Variants in PRKCQ observed in about 807,000 individuals in gnomAD.
The protein encoded by PRKCQ is protein kinase C theta type.
Under a neutral mutation model 91.2 loss-of-function variants are expected in PRKCQ, and 41 were observed. The ratio of observed to expected loss-of-function variants is 0.45; its 90% CI spans 0.35 to 0.58. The LOEUF is 0.58. PRKCQ is among the 20% of genes least tolerant of loss of function. The pLI, the probability that PRKCQ is intolerant of heterozygous loss-of-function variation, is 0.00. For synonymous variants in PRKCQ, 307 were observed against 316.9 expected, an observed-to-expected ratio of 0.97 and a Z score of 0.33; for missense variants, 673 against 896.5, an observed-to-expected ratio of 0.75 and a Z score of 3.18.
chr10:6,531,476 C>T (rs1839392501), intron 1 of PRKCQ, among the ~76,000 whole-genome samples: 1 of 151,018 alleles, frequency 6.6e-6, no homozygotes, highest in African/African-American at 2.4e-5. Flanking sequence ...AGGCTAGTCC[C>T]CCAAGCACCC....
chr10:6,464,476 G>A, intron 12 of PRKCQ, 72 bp from the exon 13 acceptor site: 2 of 1,277,648 alleles, frequency 1.6e-6, no homozygotes, highest in Non-Finnish European at 2.2e-6. Flanking sequence ...CCAAGACAGG[G>A]TCTCACTCTG....
chr10:6,417,703 G>A, the PRKCQ span, among the ~76,000 whole-genome samples: 2 of 152,164 alleles, frequency 1.3e-5, no homozygotes, highest in Non-Finnish European at 2.9e-5. Flanking sequence ...GAGAATCCAG[G>A]TGCACAGCCA....
At chr10:6,418,589 T>C in the PRKCQ span, among the ~76,000 whole-genome samples, 2 of 152,148 alleles carry the variant, frequency 1.3e-5, no homozygotes, top group African/African-American at 2.4e-5. Flanking sequence ...CCCTCAGTGC[T>C]CCTTTCCACC....
chr10:6,453,967 T>C (rs1179400543), intron 15 of PRKCQ, among the ~76,000 whole-genome samples: 1 of 152,028 alleles, frequency 6.6e-6, no homozygotes, highest in African/African-American at 2.4e-5. Context: ...ATATACCTAA[T>C]GCTAAATGAC....
chr10:6,435,386 T>C (rs1444976070), intron 16 of PRKCQ, among the ~76,000 whole-genome samples: 1 of 152,196 alleles, frequency 6.6e-6, no homozygotes, highest in Non-Finnish European at 1.5e-5. Flanking sequence ...TTACCTTTTA[T>C]TTTTGCAACA....
chr10:6,511,197 AG>A lies in PRKCQ; in HGVS notation c.119-4del. The A allele has an allele frequency of 6.2e-7, 1 of 1,613,718 alleles. No homozygotes were observed. The highest frequency in any genetic ancestry group is 8.5e-7 in the Non-Finnish European group (1 of 1,179,740). The stretch of plus-strand genomic sequence containing the variant: ...CTGGATATACATCTGCCCGTTCTCT[AG>A]GAACAGAAACGTAAGGTCTCATTAT... On this transcript the variant is annotated splice_region_variant and splice_polypyrimidine_tract_variant and intron_variant, in intron 2 of 17. Coordinates refer to ENST00000263125, the MANE Select transcript of PRKCQ (RefSeq NM_006257.5).
chr10:6,447,321 T>C (rs1291592258), intron 15 of PRKCQ, among the ~76,000 whole-genome samples: 1 of 150,494 alleles, frequency 6.6e-6, no homozygotes, highest in Non-Finnish European at 1.5e-5. Flanking sequence ...GCAGGAGAAT[T>C]GCCTGAACCT....
At chr10:6,416,728 C>T in the PRKCQ span, among the ~76,000 whole-genome samples, 3 of 152,086 alleles carry the variant, frequency 2.0e-5, no homozygotes, top group Admixed American at 1.3e-4. Context: ...GGGTACACAC[C>T]CAGTAGTGGG....
Position 6,515,073 on chromosome 10 carries a change from C to T in PRKCQ, c.63G>A (p.Gln21=). The T allele has an allele frequency of 6.2e-7, 1 of 1,613,980 alleles. No individual in the cohort carries two copies. Residue 21 remains glutamine (Q), a synonymous_variant, in exon 2 of 18, where the codon CAG becomes CAA. Transcript: ENST00000263125. ...CACAGTAAGGGTTAACAGCCTCGCC[C>T]TGACAAGACTGGCAGGACCCGCAGT... ...NFDCGSCQSC[Q]GEAVNPYCAV... is the part of the protein sequence containing the mutation.
chr10:6,441,632 C>T (rs1040046863), intron 16 of PRKCQ, among the ~76,000 whole-genome samples: 1 of 152,086 alleles, frequency 6.6e-6, no homozygotes, highest in East Asian at 1.9e-4. Flanking sequence ...TCCAGGTGAG[C>T]GTATTCAAGG....
At chr10:6,571,069 A>C (rs1841026601) in intron 1 of PRKCQ, among the ~76,000 whole-genome samples, 1 of 152,038 alleles carries the variant, frequency 6.6e-6, no homozygotes, top group African/African-American at 2.4e-5. Flanking sequence ...GGGAAGGAAG[A>C]TCATTGGCCA....
At chr10:6,431,748 C>A (rs1833439966) in intron 16 of PRKCQ, among the ~76,000 whole-genome samples, 1 of 152,192 alleles carries the variant, frequency 6.6e-6, no homozygotes, top group African/African-American at 2.4e-5. Flanking sequence ...AGACAGTCAG[C>A]TTTGGACTCT....
intron 1 of PRKCQ, among the ~76,000 whole-genome samples, chr10:6,534,774 CTATATATATATATATATAGATA>C (rs1176252399): frequency 2.1e-5 from 3 of 142,796 alleles, no homozygotes; most frequent in East Asian, 2.0e-4. Context: ...AAACATATAT[CTATATATATATATATATAGATA>C]TATATATATA....
chr10:6,496,988 G>T (rs373548151), intron 7 of PRKCQ, 47 bp downstream of exon 7: 1 of 1,536,832 alleles, frequency 6.5e-7, no homozygotes, highest in East Asian at 2.2e-5. Context: ...AACATTTAAC[G>T]TTCTGATAAA....
In PRKCQ at chr10:6,576,551, G is replaced by A. The variant is rs889508628; in HGVS notation, c.-10+3660C>T. ...GCTGCCAGGGGCTGAGAGGAAAGAC[G>A]GATGAGGAACGAATGTTCCACGAGG... On this transcript the variant is annotated intron_variant, in intron 1 of 17. Coordinates refer to ENST00000263125, the MANE Select transcript of PRKCQ (RefSeq NM_006257.5). The surrounding 1 kb of genome is among the most constrained non-coding windows in gnomAD (Gnocchi z 4.2). Among the ~76,000 whole-genome samples the A allele has an allele frequency of 6.6e-6, 1 of 152,166 alleles. No homozygotes were observed. The highest frequency in any genetic ancestry group is 2.4e-5 in the African/African-American group (1 of 41,428).
intron 15 of PRKCQ, among the ~76,000 whole-genome samples, chr10:6,443,052 C>CTGTT (rs1429675032): frequency 1.3e-5 from 2 of 152,214 alleles, no homozygotes; most frequent in African/African-American, 4.8e-5. Context: ...CTGAGTCTAT[C>CTGTT]TGTTAGGGAG....
At chr10:6,486,343 C>A (rs1179338092) in intron 8 of PRKCQ, among the ~76,000 whole-genome samples, 199 bp from the exon 9 acceptor site, 1 of 152,102 alleles carries the variant, frequency 6.6e-6, no homozygotes, top group East Asian at 1.9e-4. Context: ...GGACTCAACT[C>A]TGGAGGTGGG....
chr10:6,437,569 T>G (rs1454509733), intron 16 of PRKCQ, among the ~76,000 whole-genome samples: 1 of 152,246 alleles, frequency 6.6e-6, no homozygotes, highest in African/African-American at 2.4e-5. Flanking sequence ...TTGCTACAAA[T>G]GTAGCAATTG....
chr10:6,470,183 T>C (rs1183931742), intron 12 of PRKCQ, among the ~76,000 whole-genome samples: 2 of 152,226 alleles, frequency 1.3e-5, no homozygotes, highest in African/African-American at 4.8e-5. Context: ...CCACATTAAA[T>C]ATATGATCCT....
Sources: allele counts gnomAD v4.1 joint callset (sites outside exome capture counted in the v4.1 genomes callset), GRCh38; gene constraint gnomAD v4.1.1; non-coding constraint Gnocchi (gnomAD v3.1); transcripts MANE v1.5; gene names NCBI Gene and HGNC (gene_info 2026-07-23, HGNC 2026-07-21).